ATP10B: variants seen among roughly 807,000 people sequenced by gnomAD.
ATP10B encodes the protein phospholipid-transporting ATPase VB.
In ATP10B, 122 loss-of-function variants were observed where a neutral mutation model predicts 141.2. That is an observed-to-expected ratio of 0.86 (90% CI 0.75 to 1.00). The LOEUF is 1.00. Ranked by LOEUF, ATP10B falls within the 50% of genes least tolerant of loss-of-function variation. The pLI is 0.00. For synonymous variants in ATP10B, 685 were observed against 692.0 expected, an observed-to-expected ratio of 0.99 and a Z score of 0.16; for missense variants, 1,876 against 1,825.3, an observed-to-expected ratio of 1.03 and a Z score of -0.51.
upstream of ATP10B, among the ~76,000 whole-genome samples, chr5:160,855,757 A>C (rs1015986427): frequency 1.3e-5 from 2 of 151,770 alleles, no homozygotes; most frequent in Non-Finnish European, 2.9e-5. Context: ...TTTTGAGTTA[A>C]ATTTTGTGTA....
chr5:160,813,651 G>A (rs548973607), intron 1 of ATP10B, among the ~76,000 whole-genome samples: 16 of 152,302 alleles, frequency 1.1e-4, no homozygotes, highest in African/African-American at 2.2e-4. Flanking sequence ...CTCCCAGCAC[G>A]CAGCTGGAGA....
intron 2 of ATP10B, among the ~76,000 whole-genome samples, chr5:160,778,419 C>T (rs1770489465): frequency 6.6e-6 from 1 of 152,214 alleles, no homozygotes; most frequent in Non-Finnish European, 1.5e-5. Flanking sequence ...GTTGTCCAAA[C>T]TCCTACTCAT....
chr5:160,634,288 C>T (rs778703602), intron 12 of ATP10B, 66 bp downstream of exon 12: 38 of 1,607,142 alleles, frequency 2.4e-5, no homozygotes, highest in Middle Eastern at 1.6e-4. Flanking sequence ...TTTATCTCCT[C>T]GTTTCTTAGG....
chr5:160,588,669 G>A (rs2421528), intron 24 of ATP10B, among the ~76,000 whole-genome samples: 119,413 of 152,074 alleles, frequency 0.79, 47,038 homozygotes, highest in East Asian at 0.85. Flanking sequence ...TATTGCATCT[G>A]CCATATTTCT....
the ATP10B span, among the ~76,000 whole-genome samples, chr5:160,876,607 T>C: frequency 9.2e-5 from 14 of 151,460 alleles, no homozygotes; most frequent in African/African-American, 3.1e-4. Flanking sequence ...GCTGGTTTTT[T>C]GAAAGGATCA....
the ATP10B span, among the ~76,000 whole-genome samples, chr5:160,895,798 G>A: frequency 6.6e-6 from 1 of 152,184 alleles, no homozygotes; most frequent in African/African-American, 2.4e-5. Flanking sequence ...ATAATTGGAA[G>A]TAAAACACTC....
At chr5:160,768,656 A>G (rs1047629318) in intron 2 of ATP10B, among the ~76,000 whole-genome samples, 2 of 152,230 alleles carry the variant, frequency 1.3e-5, no homozygotes, top group African/African-American at 4.8e-5. Context: ...AGTAGGAAAC[A>G]ACATAAGCCA....
chr5:160,852,950 A>G (rs970614775), upstream of ATP10B, among the ~76,000 whole-genome samples: 1 of 152,174 alleles, frequency 6.6e-6, no homozygotes, highest in Non-Finnish European at 1.5e-5. Context: ...AAGGTGTTGG[A>G]AAGAAGTGAA....
At chr5:160,636,349 C>T (rs761674778) in intron 10 of ATP10B, 40 bp from the exon 11 acceptor site, 2 of 1,601,560 alleles carry the variant, frequency 1.2e-6, no homozygotes, top group South Asian at 1.1e-5. Flanking sequence ...TGAATCTCTA[C>T]TAAGTCCTAA....
rs77856629 is a variant in ATP10B, at chr5:160,691,583, A to G, written c.-204-2640T>C. ...TTCTTTTGAATAAGTGGATGAGTGA[A>G]TGTCAAGTACTATTAATCTTACAAT... On this transcript the variant is annotated intron_variant, in intron 3 of 25. Coordinates refer to ENST00000327245, the MANE Select transcript of ATP10B (RefSeq NM_025153.3). Among the ~76,000 whole-genome samples the G allele has an allele frequency of 9.3e-4, 141 of 152,336 alleles. 1 individual carries two copies. Among genetic ancestry groups the G allele is most frequent in the African/African-American group, 3.1e-3 (130 of 41,586 alleles).
At chr5:160,605,446 C>T (rs1339945860) in intron 19 of ATP10B, among the ~76,000 whole-genome samples, 7 of 152,282 alleles carry the variant, frequency 4.6e-5, no homozygotes, top group South Asian at 4.1e-4. Context: ...TGCTATTTCT[C>T]GCCACACTGG....
intron 13 of ATP10B, among the ~76,000 whole-genome samples, chr5:160,629,611 C>T (rs1386352384): frequency 6.6e-6 from 1 of 152,192 alleles, no homozygotes. Flanking sequence ...AACATTTGTT[C>T]AAGGCAGACA....
rs1362920869 is a variant in ATP10B, at chr5:160,634,330, T to C, written c.1381+24A>G. 1.9e-6 allele frequency: 3 copies of C among 1,614,158 alleles called. No individual in the cohort carries two copies. In the Admixed American group the frequency reaches 5.0e-5, roughly 27 times the overall value. On this transcript the variant is annotated intron_variant, in intron 12 of 25. Transcript: ENST00000327245. The stretch of plus-strand genomic sequence containing the variant: ...GGGTATTTCCTTTTAGAAAGAGGGA[T>C]GGAGCCCTTGGGAGCTTCTATACCA...
chr5:160,928,651 T>TAAG, the ATP10B span, among the ~76,000 whole-genome samples: 2 of 152,162 alleles, frequency 1.3e-5, no homozygotes, highest in African/African-American at 2.4e-5. Context: ...GCTTTGCAAA[T>TAAG]CATAAGGCTT....
At chr5:160,749,285 T>A (rs1767999358) in intron 2 of ATP10B, among the ~76,000 whole-genome samples, 1 of 152,186 alleles carries the variant, frequency 6.6e-6, no homozygotes, top group Non-Finnish European at 1.5e-5. Context: ...CATAAGGAAT[T>A]CTATCTTCTC....
At chr5:160,925,583 T>C in the ATP10B span, among the ~76,000 whole-genome samples, 6 of 152,354 alleles carry the variant, frequency 3.9e-5, no homozygotes, top group African/African-American at 1.2e-4. Flanking sequence ...AGATACGAAG[T>C]AGTAAATACA....
At position 160,785,810 on chromosome 5, in the gene ATP10B, G is replaced by A. The variant is rs1771104456; in HGVS notation, c.-575-7C>T. 7.0e-6 allele frequency: 3 copies of A among 427,440 alleles called. No homozygotes were observed. The highest frequency in any genetic ancestry group is 1.2e-5 in the Non-Finnish European group (3 of 258,058). The allele number at this position is 427,440 out of a possible 1,614,324, so 26.5% of individuals were successfully genotyped here. A position where few individuals can be genotyped will look rare whatever the true frequency, so the allele number is the denominator to read the frequency against. ...TTCTCTTGTCAAAGGAAGCCTGCAC[G>A]ACACAGGACAGAAAAGAAATACAAA... On this transcript the variant is annotated splice_region_variant and splice_polypyrimidine_tract_variant and intron_variant, in intron 1 of 25. Transcript: ENST00000327245.
In ATP10B at chr5:160,670,610, G is replaced by C. The variant is rs1286308369; in HGVS notation, c.528C>G (p.Ile176Met). 3.7e-6 allele frequency: 6 copies of C among 1,613,882 alleles called. No individual in the cohort carries two copies. Among genetic ancestry groups the C allele is most frequent in the Non-Finnish European group, 3.4e-6 (4 of 1,179,856 alleles). The change falls in exon 7 of 26, where the codon ATC (isoleucine) becomes ATG (methionine). Residue 176 changes from isoleucine (I) to methionine (M), a missense_variant. By Grantham distance (10) the Ile-to-Met change is conservative (BLOSUM62 1). Transcript: ENST00000327245. ...GGACAATCTCATTGCATTTCATTTGGATGAAGTCTCCCACGCGCACATCCT... is the reference window on the plus strand; with the variant it reads ...GGACAATCTCATTGCATTTCATTTGCATGAAGTCTCCCACGCGCACATCCT... ...CWKDVRVGDF[I>M]QMKCNEIVPA...
chr5:160,896,250 AAAT>A, the ATP10B span, among the ~76,000 whole-genome samples: 7 of 150,520 alleles, frequency 4.7e-5, no homozygotes, highest in Non-Finnish European at 1.0e-4. Context: ...AAAAAAAAAA[AAAT>A]CAATGAATCC....
Sources: gnomAD v4.1 joint callset for allele counts (sites outside exome capture counted in the v4.1 genomes callset) on GRCh38, gnomAD v4.1.1 for gene constraint, MANE v1.5 for transcripts, NCBI Gene and HGNC (gene_info 2026-07-23, HGNC 2026-07-21) for gene names.